ZNF407: variants seen among roughly 807,000 people sequenced by gnomAD.
ZNF407 encodes zinc finger protein 407.
Under a neutral mutation model 131.2 loss-of-function variants are expected in ZNF407, and 17 were observed. The ratio of observed to expected loss-of-function variants is 0.13; its 90% CI spans 0.09 to 0.19. The LOEUF (loss-of-function observed/expected upper bound fraction) is 0.19. ZNF407 is among the 10% of genes least tolerant of loss of function. The probability of loss-of-function intolerance (pLI) is 1.00; values close to 1 mark genes in which losing one functional copy is unlikely to be tolerated. For missense variants in ZNF407, 2,681 were observed against 2,830.6 expected, an observed-to-expected ratio of 0.95 and a Z score of 1.20; for synonymous variants, 1,156 against 1,062.0, an observed-to-expected ratio of 1.09 and a Z score of -1.72.
intron 3 of ZNF407, among the ~76,000 whole-genome samples, chr18:74,670,875 A>C (rs1161777126): frequency 6.6e-6 from 1 of 152,200 alleles, no homozygotes; most frequent in Non-Finnish European, 1.5e-5. Context: ...TGTGTTGCCC[A>C]GGCTGGTCTC....
chr18:74,690,890 A>T (rs1011730944), intron 3 of ZNF407, among the ~76,000 whole-genome samples: 4 of 152,238 alleles, frequency 2.6e-5, no homozygotes, highest in African/African-American at 9.6e-5. Flanking sequence ...ATTAAAAATT[A>T]TATTTTTAGT....
intron 8 of ZNF407, among the ~76,000 whole-genome samples, chr18:74,982,570 C>T (rs144583863): frequency 2.8e-4 from 42 of 152,320 alleles, no homozygotes; most frequent in South Asian, 1.0e-3. Context: ...CCTTGCTACT[C>T]ATCAGGGATG....
intron 8 of ZNF407, among the ~76,000 whole-genome samples, chr18:75,024,054 T>G (rs554676411): frequency 6.6e-6 from 1 of 152,312 alleles, no homozygotes; most frequent in South Asian, 2.1e-4. Context: ...AGTCTCAAGC[T>G]TATCCTCAAA....
At chr18:75,061,535 G>A (rs116231472) in intron 8 of ZNF407, 4,934 of 152,530 alleles carry the variant, frequency 0.032, 122 homozygotes, top group African/African-American at 0.062. Context: ...CTCGTGCAGC[G>A]CCTCCCATCC....
At chr18:74,769,525 G>C (rs1969316923) in intron 3 of ZNF407, among the ~76,000 whole-genome samples, 2 of 152,104 alleles carry the variant, frequency 1.3e-5, no homozygotes, top group South Asian at 4.1e-4. Context: ...TGATTCCCCT[G>C]CTGGAGATTT....
chr18:74,874,039 A>G (rs1767318711), intron 4 of ZNF407, among the ~76,000 whole-genome samples: 1 of 152,186 alleles, frequency 6.6e-6, no homozygotes, highest in Non-Finnish European at 1.5e-5. Context: ...AAGGGAAGAT[A>G]AGAAATTGCC....
chr18:74,812,559 T>A (rs901253206), intron 4 of ZNF407, among the ~76,000 whole-genome samples: 4 of 151,976 alleles, frequency 2.6e-5, no homozygotes, highest in African/African-American at 9.7e-5. Flanking sequence ...GAAGTGAGAG[T>A]GAGAGAGAGA....
intron 4 of ZNF407, among the ~76,000 whole-genome samples, chr18:74,799,335 C>A (rs988401991): frequency 6.6e-6 from 1 of 152,100 alleles, no homozygotes; most frequent in African/African-American, 2.4e-5. Context: ...GCACTGTGGG[C>A]ATAGGAAAAC....
chr18:74,767,015 G>A (rs1335389144), intron 3 of ZNF407, among the ~76,000 whole-genome samples: 1 of 152,112 alleles, frequency 6.6e-6, no homozygotes, highest in Non-Finnish European at 1.5e-5. Context: ...AGCTTCAAGC[G>A]ATTCTCCTGT....
chr18:74,608,589 C>T (rs935373740), intron 1 of ZNF407, among the ~76,000 whole-genome samples: 4 of 152,100 alleles, frequency 2.6e-5, no homozygotes, highest in South Asian at 2.1e-4. Context: ...TCAAGTGATC[C>T]GCCTGCCTTG....
In ZNF407 at chr18:74,686,052, A is replaced by G. The variant is rs1172125279; in HGVS notation, c.4802+44930A>G. ...AATCAACATTTAATTCTTCAATCAA[A>G]TGCGTTACATATAGGTATGGCTTCC... On this transcript the variant is annotated intron_variant, in intron 3 of 8. Transcript: ENST00000299687. Among the ~76,000 whole-genome samples the G allele has an allele frequency of 3.3e-5, 5 of 152,188 alleles. No homozygotes were observed. The East Asian group carries it at 9.6e-4, about 29-fold the overall frequency.
chr18:74,667,769 A>C (rs1985988946), intron 3 of ZNF407, among the ~76,000 whole-genome samples: 1 of 152,190 alleles, frequency 6.6e-6, no homozygotes, highest in Non-Finnish European at 1.5e-5. Flanking sequence ...TGGGACATGC[A>C]GGCTTCCATA....
chr18:75,050,318 TATTG>T (rs1375771963), intron 8 of ZNF407, among the ~76,000 whole-genome samples: 3 of 152,220 alleles, frequency 2.0e-5, no homozygotes, highest in African/African-American at 4.8e-5. Flanking sequence ...TTACATATTT[TATTG>T]ATTAAGAAAA....
intron 8 of ZNF407, among the ~76,000 whole-genome samples, chr18:75,019,624 C>T (rs185211669): frequency 5.1e-4 from 77 of 152,224 alleles, no homozygotes; most frequent in Non-Finnish European, 9.7e-4. Flanking sequence ...GGGCTCCCCA[C>T]CTGTTAGTCA....
At chr18:74,735,019 C>T (rs1968381555) in intron 3 of ZNF407, among the ~76,000 whole-genome samples, 3 of 152,040 alleles carry the variant, frequency 2.0e-5, no homozygotes, top group Admixed American at 2.0e-4. Flanking sequence ...TGACTAGTTA[C>T]AGTGAAAGAA....
At position 74,793,066 on chromosome 18, in the gene ZNF407, G is replaced by A. The variant is rs565086275; in HGVS notation, c.4877+11564G>A. 8.5e-5 allele frequency among the ~76,000 whole-genome samples: 13 copies of A among 152,256 alleles called. No homozygotes were observed. The East Asian group carries it at 1.9e-3, about 23-fold the overall frequency. ...TTCTGTAAAGTATTTTGAGTTGGGC[G>A]TGTTCAGAGACCACTGTGACAGAGC... On this transcript the variant is annotated intron_variant, in intron 4 of 8. Transcript: ENST00000299687.
intron 8 of ZNF407, among the ~76,000 whole-genome samples, chr18:75,020,493 C>T (rs1469834141): frequency 6.6e-6 from 1 of 152,078 alleles, no homozygotes; most frequent in Non-Finnish European, 1.5e-5. Context: ...TATTTTTCTC[C>T]TATCGGAAGA....
chr18:74,758,818 G>A (rs547682487), intron 3 of ZNF407, among the ~76,000 whole-genome samples: 1 of 152,164 alleles, frequency 6.6e-6, no homozygotes, highest in East Asian at 1.9e-4. Context: ...GACCTCAAAT[G>A]ATCCGCCCAC....
At chr18:74,769,584 G>A (rs1427714034) in intron 3 of ZNF407, among the ~76,000 whole-genome samples, 2 of 152,118 alleles carry the variant, frequency 1.3e-5, no homozygotes, top group Non-Finnish European at 2.9e-5. Context: ...TAATACAGTT[G>A]TTTACAAAAT....
Sources: allele counts gnomAD v4.1 joint callset (sites outside exome capture counted in the v4.1 genomes callset), GRCh38; gene constraint gnomAD v4.1.1; transcripts MANE v1.5; gene names NCBI Gene and HGNC (gene_info 2026-07-23, HGNC 2026-07-21).